The following HPS1 variants were observed in gnomAD, a reference collection of about 807,000 sequenced individuals.
The protein encoded by HPS1 is HPS1 biogenesis of lysosomal organelles complex 3 subunit 1.
Under a neutral mutation model 90.6 loss-of-function variants are expected in HPS1, and 59 were observed. The observed-to-expected ratio is 0.65, with a 90% CI of 0.53 to 0.81. The LOEUF is 0.81. Among genes scored for constraint, HPS1 ranks in the 30% least tolerant of loss-of-function variants. The pLI is 0.00. For missense variants in HPS1, 849 were observed against 896.7 expected, an observed-to-expected ratio of 0.95 and a Z score of 0.68; for synonymous variants, 388 against 384.4, an observed-to-expected ratio of 1.01 and a Z score of -0.11.
intron 11 of HPS1, among the ~76,000 whole-genome samples, chr10:98,426,986 TG>T (rs1845691894): frequency 1.3e-5 from 2 of 151,864 alleles, no homozygotes; most frequent in African/African-American, 2.4e-5. Context: ...GGACAGCACC[TG>T]GGGGAGGGGA....
chr10:98,427,096 G>A, intron 11 of HPS1, 119 bp downstream of exon 11: 1 of 794,712 alleles, frequency 1.3e-6, no homozygotes, highest in Non-Finnish European at 2.1e-6. Context: ...GCCCTGGGGT[G>A]GGCAGGAGGA....
chr10:98,429,424 G>T (rs373065758), intron 10 of HPS1, 149 bp downstream of exon 10: 2 of 1,544,524 alleles, frequency 1.3e-6, no homozygotes, highest in Non-Finnish European at 1.7e-6. Flanking sequence ...ATGGGGAGCC[G>T]CAGACAGCGT....
At position 98,427,091 on chromosome 10, in the gene HPS1, G is replaced by T. The variant is rs567603228; in HGVS notation, c.987+124C>A. On this transcript the variant is annotated intron_variant, in intron 11 of 19. Transcript: ENST00000361490. ...ACAGGCACCTGCACTGACCAGCCCT[G>T]GGGTGGGCAGGAGGAGGGCTGGCAC... 2.7e-5 allele frequency: 21 copies of T among 770,818 alleles called. No individual in the cohort carries two copies. In the African/African-American group the frequency reaches 3.6e-4, roughly 13 times the overall value. The allele number at this position is 770,818 out of a possible 1,614,324, so 47.7% of individuals were successfully genotyped here.
At chr10:98,429,378 A>G (rs1221264124) in intron 10 of HPS1, 195 bp downstream of exon 10, 1 of 1,525,334 alleles carries the variant, frequency 6.6e-7, no homozygotes, top group Non-Finnish European at 8.8e-7. Flanking sequence ...AGTGGTCTTA[A>G]CAATCCTTGA....
chr10:98,425,771 C>A (rs754940608), intron 12 of HPS1, 47 bp downstream of exon 12: 1 of 1,598,790 alleles, frequency 6.3e-7, no homozygotes, highest in Non-Finnish European at 8.5e-7. Flanking sequence ...CTGGGGAAGA[C>A]GTGCCAACCC....
At chr10:98,415,664 G>A (rs1180977038), downstream of HPS1, among the ~76,000 whole-genome samples, 6 of 152,226 alleles carry the variant, frequency 3.9e-5, no homozygotes, top group South Asian at 2.1e-4. Context: ...CACAGGAGGC[G>A]CCCAGGGCGG....
intron 18 of HPS1, 97 bp from the exon 19 acceptor site, chr10:98,418,354 G>A: frequency 1.7e-6 from 1 of 598,668 alleles, no homozygotes; most frequent in Non-Finnish European, 3.0e-6. Flanking sequence ...TCTGTCATGT[G>A]CGCTGGGTGC....
intron 3 of HPS1, chr10:98,442,520 T>A (rs986809577): frequency 7.1e-6 from 1 of 140,118 alleles, no homozygotes; most frequent in African/African-American, 2.6e-5. Context: ...TACGTTAAAC[T>A]TTTTTTTTTT....
At chr10:98,414,842 A>G (rs1004984998), downstream of HPS1, 89 of 1,065,538 alleles carry the variant, frequency 8.4e-5, no homozygotes, top group East Asian at 2.4e-3. Flanking sequence ...TGCCTGCCAG[A>G]TGGAAGGGCT....
At position 98,435,530 on chromosome 10, in the gene HPS1, C is replaced by T. The variant is rs1847193737; in HGVS notation, c.255+105G>A. On this transcript the variant is annotated intron_variant, in intron 4 of 19. Transcript: ENST00000361490. This position sits in a 1 kb window ranked among gnomAD's most constrained non-coding sequence, Gnocchi z 4.3. Reference sequence around the variant, plus strand: ...GTCCCAGGCGGGTTTGATAAGATGCCGTTTCTGCCTTCTAAAGGAGTCTAA... The same window carrying T: ...GTCCCAGGCGGGTTTGATAAGATGCTGTTTCTGCCTTCTAAAGGAGTCTAA... 9 of 1,606,614 alleles carry T rather than the reference C, an allele frequency of 5.6e-6. No homozygotes were observed. The highest frequency in any genetic ancestry group is 1.7e-4 in the Middle Eastern group (1 of 6,052).
At chr10:98,429,433 G>C (rs534105394) in intron 10 of HPS1, 140 bp downstream of exon 10, 13 of 1,555,906 alleles carry the variant, frequency 8.4e-6, no homozygotes, top group African/African-American at 2.7e-5. Context: ...CGCAGACAGC[G>C]TCCTGTGCTC....
At chr10:98,415,321 C>CCGT, downstream of HPS1, 1 of 770,850 alleles carries the variant, frequency 1.3e-6, no homozygotes, top group Non-Finnish European at 2.0e-6. Flanking sequence ...CTGTGCTGGG[C>CCGT]CGTCGGGAGT....
intron 3 of HPS1, chr10:98,442,795 A>T: frequency 2.7e-6 from 1 of 365,290 alleles, no homozygotes; most frequent in South Asian, 2.3e-5. Flanking sequence ...GGCGTGAGCC[A>T]CCGCGCCCAG....
At position 98,417,097 on chromosome 10, in the gene HPS1, T is replaced by G; in HGVS notation, c.*467A>C. 6.4e-6 allele frequency: 1 copy of G among 155,930 alleles called. No homozygotes were observed. Among genetic ancestry groups the G allele is most frequent in the Non-Finnish European group, 1.4e-5 (1 of 70,744 alleles). The allele number at this position is 155,930 out of a possible 1,614,324, so 9.7% of individuals were successfully genotyped here. A position where few individuals can be genotyped will look rare whatever the true frequency, so the allele number is the denominator to read the frequency against. ...TCCTCACACCACCCTGGGACGGAGG[T>G]GCCATCGCTTTAAACGTGGGGAATA... On this transcript the variant is annotated 3_prime_UTR_variant, in exon 20 of 20. Coordinates refer to ENST00000361490, the MANE Select transcript of HPS1 (RefSeq NM_000195.5). This position sits in a 1 kb window ranked among gnomAD's most constrained non-coding sequence, Gnocchi z 4.2.
Position 98,429,674 on chromosome 10 carries a change from G to A in HPS1, c.868-32C>T, listed in dbSNP as rs752093591. ...TGGAGAAGGTGGCTCAGGTTGAGAG[G>A]CTCTCCCAGCTGGCTCAACCCTGTC... On this transcript the variant is annotated intron_variant, in intron 9 of 19. Coordinates refer to ENST00000361490, the MANE Select transcript of HPS1 (RefSeq NM_000195.5). 2.5e-6 allele frequency: 4 copies of A among 1,614,066 alleles called. No homozygotes were observed. The Admixed American group carries it at 5.0e-5, about 20-fold the overall frequency.
At position 98,446,911 on chromosome 10, in the gene HPS1, C is replaced by G. The variant is rs961355692; in HGVS notation, c.-210G>C. 16 of 152,262 alleles carry G rather than the reference C, an allele frequency of 1.1e-4. No homozygotes were observed. The highest frequency in any genetic ancestry group is 3.4e-4 in the African/African-American group (14 of 41,558). The allele number at this position is 152,262 out of a possible 1,614,324, so 9.4% of individuals were successfully genotyped here. On this transcript the variant is annotated 5_prime_UTR_variant, in exon 1 of 20. Coordinates refer to ENST00000361490, the MANE Select transcript of HPS1 (RefSeq NM_000195.5). ...CCGGATCGCGGCGCGCACAGCGCCC[C>G]GCCTGCAGGAGCCCGGGCGCGCTTC... is the stretch of plus-strand genomic sequence containing the variant.
rs777574701 is a variant in HPS1, at chr10:98,435,360, C to G, written c.310G>C (p.Asp104His). 5 of 1,614,016 alleles carry G rather than the reference C, an allele frequency of 3.1e-6. No individual in the cohort carries two copies. The South Asian group carries it at 3.3e-5, about 11-fold the overall frequency. The stretch of plus-strand genomic sequence containing the variant: ...AGCACATACAGCTTCCGCCGCAGGT[C>G]CCCCTCGCTCTCGGTGTGGTCACCA... ...INGDHTESEG[D>H]LRRKLYVLKY... The change falls in exon 5 of 20, where the codon GAC becomes CAC. Residue 104 changes from aspartate to histidine, a missense_variant. Asp to His is a moderately conservative substitution (Grantham distance 81). Coordinates refer to ENST00000361490, the MANE Select transcript of HPS1 (RefSeq NM_000195.5). The surrounding 1 kb of genome is among the most constrained non-coding windows in gnomAD (Gnocchi z 4.3).
Position 98,424,347 on chromosome 10 carries a change from C to T in HPS1, c.1363G>A (p.Ala455Thr), listed in dbSNP as rs367633254. 4 of 1,612,830 alleles carry T rather than the reference C, an allele frequency of 2.5e-6. No individual in the cohort carries two copies. Among genetic ancestry groups the T allele is most frequent in the Admixed American group, 1.7e-5 (1 of 59,872 alleles). Residue 455 changes from alanine to threonine, a missense_variant, in exon 14 of 20, where the codon GCT becomes ACT. Transcript: ENST00000361490. ...QSTWLEFKAK[A>T]FSKSEPGSSW... is the part of the protein sequence containing the mutation. ...GATCCGGGCTCACTTTTGGAGAAAG[C>T]CTTGGCCTTAAACTCCAGCCAGGTG...
chr10:98,418,607 T>C (rs964207953), intron 18 of HPS1, among the ~76,000 whole-genome samples: 2 of 152,300 alleles, frequency 1.3e-5, no homozygotes, highest in African/African-American at 4.8e-5. Flanking sequence ...TCTGAAAGAA[T>C]TGGGAATTCC....
Sources: allele counts gnomAD v4.1 joint callset (sites outside exome capture counted in the v4.1 genomes callset), GRCh38; gene constraint gnomAD v4.1.1; non-coding constraint Gnocchi (gnomAD v3.1); transcripts MANE v1.5; gene names NCBI Gene and HGNC (gene_info 2026-07-23, HGNC 2026-07-21).